Variants in SLC16A7 observed in about 807,000 individuals in gnomAD.
The protein encoded by SLC16A7 is solute carrier family 16 member 7.
Under a neutral mutation model 34.9 loss-of-function variants are expected in SLC16A7, and 33 were observed. The ratio of observed to expected loss-of-function variants is 0.94; its 90% confidence interval spans 0.72 to 1.26. The LOEUF (loss-of-function observed/expected upper bound fraction) is 1.26. Among genes scored for constraint, SLC16A7 ranks in the 50% most tolerant of loss-of-function variants. The probability of loss-of-function intolerance (pLI) is 0.00; values close to 1 mark genes in which losing one functional copy is unlikely to be tolerated. For missense variants in SLC16A7, 573 were observed against 578.1 expected, an observed-to-expected ratio of 0.99 and a Z score of 0.09; for synonymous variants, 201 against 206.6, an observed-to-expected ratio of 0.97 and a Z score of 0.23.
intron 3 of SLC16A7, among the ~76,000 whole-genome samples, chr12:59,721,710 C>A (rs987905845): frequency 6.6e-6 from 1 of 151,858 alleles, no homozygotes. Context: ...ATTGCTCTTT[C>A]CAAGTTTCTC....
At chr12:59,774,534 C>T (rs1342154672) in intron 4 of SLC16A7, 123 bp from the exon 5 acceptor site, 1 of 581,386 alleles carries the variant, frequency 1.7e-6, no homozygotes, top group South Asian at 2.8e-5. Context: ...TCAAAATGTA[C>T]TATATGATAT....
rs1259752351 is a variant in SLC16A7, at chr12:59,782,275, G to GT, written c.*2597dup. 6.6e-6 allele frequency: 1 copy of GT among 152,080 alleles called. No individual in the cohort carries two copies. The highest frequency in any genetic ancestry group is 2.4e-5 in the African/African-American group (1 of 41,418). 9.4% of individuals were successfully genotyped at this position (152,080 alleles called of 1,614,324 possible). A position where few individuals can be genotyped will look rare whatever the true frequency, so the allele number is the denominator to read the frequency against. On this transcript the variant is annotated 3_prime_UTR_variant, in exon 6 of 6. Coordinates refer to ENST00000547379, the MANE Select transcript of SLC16A7 (RefSeq NM_001270623.2). ...CTACAGGATTCAGAATTGTTCCAGG[G>GT]TAATATAAATTATTCTACTTGTTCA... is the stretch of plus-strand genomic sequence containing the variant.
rs1376167024 is a variant in SLC16A7, at chr12:59,780,679, T to C, written c.*1000T>C. Reference sequence around the variant, plus strand: ...TCACTGTTATACTGAAATATCAAAGTAAAATCCTAGTTGGCAGGATTGTAA... The same window carrying C: ...TCACTGTTATACTGAAATATCAAAGCAAAATCCTAGTTGGCAGGATTGTAA... On this transcript the variant is annotated 3_prime_UTR_variant, in exon 6 of 6. Coordinates refer to ENST00000547379, the MANE Select transcript of SLC16A7 (RefSeq NM_001270623.2). The C allele has an allele frequency of 6.6e-6, 1 of 152,204 alleles. No individual in the cohort carries two copies. Among genetic ancestry groups the C allele is most frequent in the African/African-American group, 2.4e-5 (1 of 41,456 alleles). 9.4% of individuals were successfully genotyped at this position (152,204 alleles called of 1,614,324 possible). A position where few individuals can be genotyped will look rare whatever the true frequency, so the allele number is the denominator to read the frequency against.
At chr12:59,629,153 T>G (rs1482382618) in intron 1 of SLC16A7, among the ~76,000 whole-genome samples, 1 of 151,820 alleles carries the variant, frequency 6.6e-6, no homozygotes, top group African/African-American at 2.4e-5. Flanking sequence ...ATTAATCTCA[T>G]TATGAAGACC....
At chr12:59,764,436 C>T (rs998798875) in intron 3 of SLC16A7, among the ~76,000 whole-genome samples, 10 of 151,712 alleles carry the variant, frequency 6.6e-5, no homozygotes, top group Non-Finnish European at 1.3e-4. Flanking sequence ...CGCCCATTAA[C>T]TCGTCATTTA....
Position 59,605,576 on chromosome 12 carries a change from C to G in SLC16A7, c.-130+9340C>G, listed in dbSNP as rs184944566. 1.9e-4 allele frequency among the ~76,000 whole-genome samples: 29 copies of G among 152,314 alleles called. 2 individuals carry two copies. The highest frequency in any genetic ancestry group is 6.5e-4 in the African/African-American group (27 of 41,566). On this transcript the variant is annotated intron_variant, in intron 1 of 5. Coordinates refer to ENST00000547379, the MANE Select transcript of SLC16A7 (RefSeq NM_001270623.2). ...TGCAGTACTTTAACAACTATTTATT[C>G]CCCTGCTGTGTTCCAGACACTGTTT...
intron 3 of SLC16A7, among the ~76,000 whole-genome samples, chr12:59,755,899 C>G (rs1880270092): frequency 1.3e-5 from 2 of 152,046 alleles, no homozygotes; most frequent in South Asian, 2.1e-4. Context: ...GTACTGGTAC[C>G]AAAACAGAGA....
chr12:59,670,613 G>C (rs1018900808), intron 2 of SLC16A7, among the ~76,000 whole-genome samples: 5 of 152,054 alleles, frequency 3.3e-5, no homozygotes, highest in Admixed American at 3.3e-4. Context: ...ATAGAAAATA[G>C]GTCATCTATT....
At chr12:59,685,029 A>G (rs998612635) in intron 2 of SLC16A7, among the ~76,000 whole-genome samples, 1 of 152,124 alleles carries the variant, frequency 6.6e-6, no homozygotes, top group Non-Finnish European at 1.5e-5. Flanking sequence ...GAGACTCACA[A>G]TCTTGACTAG....
At chr12:59,613,741 T>G (rs1480826416) in intron 1 of SLC16A7, among the ~76,000 whole-genome samples, 1 of 152,186 alleles carries the variant, frequency 6.6e-6, no homozygotes, top group Non-Finnish European at 1.5e-5. Context: ...AATTGAGAAC[T>G]TTTATGGTCT....
At chr12:59,637,175 G>A (rs529557599) in intron 1 of SLC16A7, among the ~76,000 whole-genome samples, 30 of 152,012 alleles carry the variant, frequency 2.0e-4, no homozygotes, top group Non-Finnish European at 4.0e-4. Context: ...TGCCCCTTTT[G>A]TGTGCACATT....
At chr12:59,757,460 G>C (rs985743997) in intron 3 of SLC16A7, among the ~76,000 whole-genome samples, 12 of 151,950 alleles carry the variant, frequency 7.9e-5, no homozygotes, top group Admixed American at 2.0e-4. Context: ...ATCTGACAGA[G>C]GGTTCTAATT....
intron 2 of SLC16A7, among the ~76,000 whole-genome samples, chr12:59,669,635 C>A (rs1187732495): frequency 3.6e-4 from 51 of 139,806 alleles, no homozygotes; most frequent in Non-Finnish European, 6.3e-5. Context: ...GGCTCTTTAG[C>A]AGTTACCCAT....
At chr12:59,724,385 T>C (rs1186087209) in intron 3 of SLC16A7, among the ~76,000 whole-genome samples, 2 of 151,950 alleles carry the variant, frequency 1.3e-5, no homozygotes, top group African/African-American at 4.8e-5. Context: ...AAGAAGAAAA[T>C]AAATTAGTCT....
chr12:59,682,540 A>G (rs984977228), intron 2 of SLC16A7, among the ~76,000 whole-genome samples: 6 of 152,174 alleles, frequency 3.9e-5, no homozygotes, highest in Non-Finnish European at 8.8e-5. Context: ...GAAATGTAGT[A>G]TGGTATAATC....
chr12:59,743,188 G>C (rs537714446), intron 3 of SLC16A7, among the ~76,000 whole-genome samples: 1 of 152,090 alleles, frequency 6.6e-6, no homozygotes, highest in African/African-American at 2.4e-5. Context: ...TTAGGATGCC[G>C]GCACTAAAGA....
At chr12:59,705,092 T>A in intron 3 of SLC16A7, 74 bp downstream of exon 3, 1 of 1,007,802 alleles carries the variant, frequency 9.9e-7, no homozygotes, top group Non-Finnish European at 1.6e-6. Context: ...TTACATGGAG[T>A]GTCTTGGTAT....
intron 2 of SLC16A7, among the ~76,000 whole-genome samples, chr12:59,677,213 G>C (rs1870384249): frequency 6.6e-6 from 1 of 152,122 alleles, no homozygotes. Context: ...CAGGGTTTGT[G>C]TGTGAAGAGG....
intron 1 of SLC16A7, among the ~76,000 whole-genome samples, chr12:59,647,114 T>C (rs1362495262): frequency 4.6e-5 from 7 of 152,134 alleles, no homozygotes; most frequent in Non-Finnish European, 1.0e-4. Flanking sequence ...GTTAAGACTT[T>C]GGAGAATCGT....
Sources: gnomAD v4.1 joint callset for allele counts (sites outside exome capture counted in the v4.1 genomes callset) on GRCh38, gnomAD v4.1.1 for gene constraint, MANE v1.5 for transcripts, NCBI Gene and HGNC (gene_info 2026-07-23, HGNC 2026-07-21) for gene names.